CCL28: variants seen among roughly 807,000 people sequenced by gnomAD.
CCL28 encodes C-C motif chemokine ligand 28.
CCL28 carries 4 observed loss-of-function variants against 7.1 expected under a neutral mutation model. The observed-to-expected ratio is 0.56, with a 90% confidence interval of 0.28 to 1.29. CCL28 has a LOEUF of 1.29. CCL28 is among the 50% of genes most tolerant of loss of function. CCL28 has a pLI of 0.11. For synonymous variants in CCL28, 55 were observed against 57.8 expected (o/e 0.95, Z 0.22); for missense variants, 151 against 163.4 (o/e 0.92, Z 0.41).
chr5:43,402,761 C>A (rs543220383), intron 1 of CCL28, among the ~76,000 whole-genome samples: 1 of 152,212 alleles, frequency 6.6e-6, no homozygotes, highest in African/African-American at 2.4e-5. Flanking sequence ...CCTTTCCTAG[C>A]CAAGGGAAGC....
intron 1 of CCL28, among the ~76,000 whole-genome samples, chr5:43,397,959 A>G (rs1424095253): frequency 3.9e-5 from 6 of 152,106 alleles, no homozygotes; most frequent in African/African-American, 1.4e-4. Flanking sequence ...TCTACTAAAA[A>G]TTTAGGCAGA....
chr5:43,396,838 T>C (rs1368599984), intron 1 of CCL28, among the ~76,000 whole-genome samples: 2 of 152,206 alleles, frequency 1.3e-5, no homozygotes, highest in African/African-American at 2.4e-5. Flanking sequence ...CTGGTATCTG[T>C]AGTCGTGGCT....
At position 43,412,260 on chromosome 5, in the gene CCL28, G is replaced by A; in HGVS notation, c.57C>T (p.Ala19=). 1 of 1,611,830 alleles carries A rather than the reference G, an allele frequency of 6.2e-7. No individual in the cohort carries two copies. Among genetic ancestry groups the A allele is most frequent in the Non-Finnish European group, 8.5e-7 (1 of 1,178,814 alleles). Residue 19 remains alanine (A), a synonymous_variant, in exon 1 of 3, where the codon GCC becomes GCT. Coordinates refer to ENST00000361115, the MANE Select transcript of CCL28 (RefSeq NM_148672.3). ...VALAVCAALH[A]SEAILPIASS... The stretch of plus-strand genomic sequence containing the variant: ...TCCAGTGCCCCCACTCACCTTCTGA[G>A]GCATGTAGGGCCGCACAGACAGCCA...
intron 1 of CCL28, among the ~76,000 whole-genome samples, chr5:43,395,812 A>T (rs1579738303): frequency 6.8e-6 from 1 of 146,002 alleles, no homozygotes; most frequent in African/African-American, 2.5e-5. Context: ...TTTCTTGATG[A>T]TATGCTAAAC....
intron 1 of CCL28, among the ~76,000 whole-genome samples, chr5:43,411,446 A>G (rs1170529155): frequency 2.6e-5 from 4 of 152,164 alleles, no homozygotes; most frequent in African/African-American, 4.8e-5. Context: ...TCTCTTTGAC[A>G]TAATTTGTAT....
rs1429738962 is a variant in CCL28, at chr5:43,381,646, CACCATACCCAG to C, written c.*203_*213del. 1.2e-4 allele frequency: 57 copies of C among 481,996 alleles called. No individual in the cohort carries two copies. The highest frequency in any genetic ancestry group is 1.1e-3 in the Middle Eastern group (2 of 1,810). 29.9% of individuals were successfully genotyped at this position (481,996 alleles called of 1,614,324 possible). A position where few individuals can be genotyped will look rare whatever the true frequency, so the allele number is the denominator to read the frequency against. ...AAGTGCTGGGATAAAAGGTGTGAAC[CACCATACCCAG>C]CCAGTATTATCTTTTCATTTCATTT... On this transcript the variant is annotated 3_prime_UTR_variant, in exon 3 of 3. Coordinates refer to ENST00000361115, the MANE Select transcript of CCL28 (RefSeq NM_148672.3).
chr5:43,399,164 G>A (rs1329407866), intron 1 of CCL28, among the ~76,000 whole-genome samples: 5 of 152,172 alleles, frequency 3.3e-5, no homozygotes, highest in Admixed American at 1.3e-4. Context: ...TTCTCATCTC[G>A]TTTAATCACT....
rs1338196847 is a variant in CCL28 at position 43,412,310 on chromosome 5, G to C, written c.7C>G (p.Gln3Glu). 11 of 1,612,518 alleles carry C rather than the reference G, an allele frequency of 6.8e-6. No homozygotes were observed. The highest frequency in any genetic ancestry group is 1.3e-5 in the African/African-American group (1 of 74,902). Reference protein sequence around the residue: MQQRGLAIVALAV... With the variant: MQERGLAIVALAV... ...AAGGCCACGATGGCGAGTCCTCTCT[G>C]CTGCATTCCTGCCTGCCCTACTGGC... Residue 3 changes from glutamine (Q) to glutamate (E), a missense_variant, in exon 1 of 3, where the codon CAG (glutamine) becomes GAG (glutamate). Gln to Glu is a conservative substitution (Grantham distance 29, BLOSUM62 2). Coordinates refer to ENST00000361115, the MANE Select transcript of CCL28 (RefSeq NM_148672.3).
chr5:43,396,232 T>C (rs867300915), intron 1 of CCL28, among the ~76,000 whole-genome samples: 3 of 152,124 alleles, frequency 2.0e-5, no homozygotes, highest in African/African-American at 7.2e-5. Flanking sequence ...ATTTGTAAAC[T>C]GTCATGGCGC....
chr5:43,381,963 C>T lies in CCL28; in HGVS notation c.281G>A (p.Gly94Asp). Residue 94 changes from glycine to aspartate, a missense_variant, in exon 3 of 3, where the codon GGT (glycine) becomes GAT (aspartate). Coordinates refer to ENST00000361115, the MANE Select transcript of CCL28 (RefSeq NM_148672.3). ...CTTCCTGTGGCAAACATTTCCTTTA[C>T]CATTTTTCTTGGCAGCTTGCACTTT... ...WMKVQAAKKN[G>D]KGNVCHRKKH... is the part of the protein sequence containing the mutation. The T allele has an allele frequency of 6.2e-7, 1 of 1,614,156 alleles. No homozygotes were observed.
intron 1 of CCL28, chr5:43,397,107 G>A (rs1740841743): frequency 6.6e-6 from 1 of 152,260 alleles, no homozygotes; most frequent in Non-Finnish European, 1.5e-5. Context: ...TGAAGAAGCT[G>A]CCAAAGTATA....
At chr5:43,411,550 T>G (rs751273499) in intron 1 of CCL28, among the ~76,000 whole-genome samples, 3 of 152,170 alleles carry the variant, frequency 2.0e-5, no homozygotes, top group Non-Finnish European at 4.4e-5. Flanking sequence ...CCTCTTTTTG[T>G]TTTTAACAGA....
intron 1 of CCL28, among the ~76,000 whole-genome samples, chr5:43,392,665 T>C (rs1740624222): frequency 6.6e-6 from 1 of 152,224 alleles, no homozygotes; most frequent in Admixed American, 6.5e-5. Context: ...ATAATGTCGT[T>C]TTAAAATGTT....
chr5:43,368,491 T>C, the CCL28 span, among the ~76,000 whole-genome samples: 1 of 152,204 alleles, frequency 6.6e-6, no homozygotes, highest in South Asian at 2.1e-4. Flanking sequence ...ATATGCAACC[T>C]CTGAGTCATG....
chr5:43,399,781 T>A lies in CCL28; in HGVS notation c.65-11305A>T, dbSNP rs192068553. Among the ~76,000 whole-genome samples, 162 of 152,308 alleles carry A rather than the reference T, an allele frequency of 1.1e-3. 1 individual carries two copies. The highest frequency in any genetic ancestry group is 3.7e-3 in the African/African-American group (155 of 41,578). On this transcript the variant is annotated intron_variant, in intron 1 of 2. Transcript: ENST00000361115. ...AATCATTTGTTCACTATATGTAATA[T>A]TGTAAAGATGTTTTTAGTATCTGAT...
rs1263034776 is a variant in CCL28 at position 43,402,230 on chromosome 5, A to G, written c.64+10023T>C. 3.3e-5 allele frequency among the ~76,000 whole-genome samples: 5 copies of G among 152,198 alleles called. No homozygotes were observed. The East Asian group carries it at 9.6e-4, about 29-fold the overall frequency. On this transcript the variant is annotated intron_variant, in intron 1 of 2. Transcript: ENST00000361115. ...AGCCCTTGGAATATCTGCTTTTCCTACATTCCTTAAAATTCTCTTTCTTTC... is the reference window on the plus strand; with the variant it reads ...AGCCCTTGGAATATCTGCTTTTCCTGCATTCCTTAAAATTCTCTTTCTTTC...
downstream of CCL28, among the ~76,000 whole-genome samples, chr5:43,372,972 TG>T (rs1739815394): frequency 6.6e-6 from 1 of 150,930 alleles, no homozygotes; most frequent in Non-Finnish European, 1.5e-5. Flanking sequence ...GGCTAATTTT[TG>T]TATTTTTAGC....
At chr5:43,403,811 T>C (rs920791543) in intron 1 of CCL28, among the ~76,000 whole-genome samples, 1 of 152,244 alleles carries the variant, frequency 6.6e-6, no homozygotes, top group East Asian at 1.9e-4. Context: ...AGAGAAGTCC[T>C]TAAAGGACCT....
chr5:43,399,522 G>A (rs566769035), intron 1 of CCL28, among the ~76,000 whole-genome samples: 8 of 152,248 alleles, frequency 5.3e-5, no homozygotes, highest in African/African-American at 1.9e-4. Context: ...CACATTGTCT[G>A]GTATTAGTGC....
Sources: gnomAD v4.1 joint callset for allele counts (sites outside exome capture counted in the v4.1 genomes callset) on GRCh38, gnomAD v4.1.1 for gene constraint, MANE v1.5 for transcripts, NCBI Gene and HGNC (gene_info 2026-07-23, HGNC 2026-07-21) for gene names.